The following ANKDD1B variants were observed in gnomAD, a reference collection of about 807,000 sequenced individuals.
ANKDD1B encodes the protein ankyrin repeat and death domain-containing protein 1B.
In ANKDD1B, 57 loss-of-function variants were observed where a neutral mutation model predicts 59.7. That is an observed-to-expected ratio of 0.95 (90% confidence interval 0.77 to 1.19). The LOEUF (loss-of-function observed/expected upper bound fraction) is 1.19, where lower values mean the gene tolerates loss of function less well. Among genes scored for constraint, ANKDD1B ranks in the 50% most tolerant of loss-of-function variants. The probability of loss-of-function intolerance (pLI) is 0.00; values close to 1 mark genes in which losing one functional copy is unlikely to be tolerated. For synonymous variants in ANKDD1B, 216 were observed against 239.5 expected (o/e 0.90, Z 0.91); for missense variants, 602 against 641.9 (o/e 0.94, Z 0.67).
chr5:75,653,120 C>T (rs11948350), intron 7 of ANKDD1B, 22 bp from the exon 8 acceptor site: 52,077 of 1,472,292 alleles, frequency 0.035, 3,059 homozygotes, highest in African/African-American at 0.27. Flanking sequence ...TTCCTCCTTG[C>T]CCTCTCTATT....
chr5:75,637,406 T>C (rs934322371), intron 7 of ANKDD1B, among the ~76,000 whole-genome samples: 2 of 152,054 alleles, frequency 1.3e-5, no homozygotes, highest in African/African-American at 4.8e-5. Context: ...TCTGGCTGTT[T>C]GGAAACTCAG....
chr5:75,622,427 A>G (rs1320770774), intron 3 of ANKDD1B, among the ~76,000 whole-genome samples: 1 of 152,222 alleles, frequency 6.6e-6, no homozygotes, highest in East Asian at 1.9e-4. Flanking sequence ...TCTGGGGAGC[A>G]AGGACAGAGA....
chr5:75,624,863 A>T (rs1773948611), intron 3 of ANKDD1B, among the ~76,000 whole-genome samples: 1 of 152,140 alleles, frequency 6.6e-6, no homozygotes, highest in South Asian at 2.1e-4. Context: ...GGATTATATC[A>T]TATTTATTGT....
At chr5:75,648,910 C>T (rs1579962266) in intron 7 of ANKDD1B, among the ~76,000 whole-genome samples, 2 of 152,272 alleles carry the variant, frequency 1.3e-5, no homozygotes, top group East Asian at 3.9e-4. Context: ...TTTTGTGCTC[C>T]CTCCCACCTC....
intron 5 of ANKDD1B, among the ~76,000 whole-genome samples, chr5:75,632,138 A>G (rs1774182882): frequency 6.6e-6 from 1 of 151,918 alleles, no homozygotes. Context: ...AAAAAGAAAA[A>G]AAGACTCATT....
At chr5:75,633,965 A>G (rs1397259579) in intron 5 of ANKDD1B, among the ~76,000 whole-genome samples, 1 of 152,176 alleles carries the variant, frequency 6.6e-6, no homozygotes, top group African/African-American at 2.4e-5. Context: ...GTCCCTTCAC[A>G]CATGCTTGCA....
At chr5:75,626,146 G>A (rs1443997637) in intron 5 of ANKDD1B, among the ~76,000 whole-genome samples, 191 bp downstream of exon 5, 1 of 152,168 alleles carries the variant, frequency 6.6e-6, no homozygotes, top group Non-Finnish European at 1.5e-5. Context: ...GCCCCTGCTT[G>A]TAGGGAGAAC....
intron 11 of ANKDD1B, 72 bp from the exon 12 acceptor site, chr5:75,666,720 C>A: frequency 8.7e-7 from 1 of 1,155,444 alleles, no homozygotes; most frequent in Non-Finnish European, 1.2e-6. Context: ...GTTTGAAAAA[C>A]ATATATACTC....
At chr5:75,612,658 G>A (rs1203632527) in intron 1 of ANKDD1B, among the ~76,000 whole-genome samples, 1 of 152,122 alleles carries the variant, frequency 6.6e-6, no homozygotes, top group Non-Finnish European at 1.5e-5. Context: ...CCCCTGTTCT[G>A]GTGGAACATT....
chr5:75,617,356 T>A (rs1218215314), intron 2 of ANKDD1B, among the ~76,000 whole-genome samples: 2 of 152,172 alleles, frequency 1.3e-5, no homozygotes, highest in Non-Finnish European at 2.9e-5. Flanking sequence ...GCGTGTGGAT[T>A]TTCATTATAC....
intron 7 of ANKDD1B, among the ~76,000 whole-genome samples, chr5:75,652,309 C>T (rs1418562481): frequency 6.6e-6 from 1 of 152,170 alleles, no homozygotes; most frequent in East Asian, 1.9e-4. Context: ...GTCTGTTGCA[C>T]ACGTGTTCCC....
In ANKDD1B at chr5:75,661,570, T is replaced by A. The variant is rs141269224; in HGVS notation, c.1096-1824T>A. Among the ~76,000 whole-genome samples the A allele has an allele frequency of 5.0e-3, 764 of 152,272 alleles. 7 individuals are homozygous for A. Among genetic ancestry groups the A allele is most frequent in the African/African-American group, 0.016 (672 of 41,552 alleles). On this transcript the variant is annotated intron_variant, in intron 10 of 13. Coordinates refer to ENST00000601380, the MANE Select transcript of ANKDD1B (RefSeq NM_001276713.2). The stretch of plus-strand genomic sequence containing the variant: ...TTGGTTTAACATTTAGCCTTAGTAT[T>A]TTTTAATGCTGTTGTTTTGTATTTT...
intron 10 of ANKDD1B, among the ~76,000 whole-genome samples, chr5:75,661,253 C>G (rs1244499409): frequency 5.3e-5 from 8 of 151,268 alleles, no homozygotes; most frequent in African/African-American, 1.9e-4. Flanking sequence ...ACAAATCAGC[C>G]GGGCATGGTG....
chr5:75,656,655 G>T (rs1224167698), intron 9 of ANKDD1B, among the ~76,000 whole-genome samples: 2 of 152,224 alleles, frequency 1.3e-5, no homozygotes, highest in East Asian at 3.8e-4. Flanking sequence ...AAATGGGAAT[G>T]CCGCAACGGA....
chr5:75,616,775 T>C (rs954418530), intron 1 of ANKDD1B, 29 bp from the exon 2 acceptor site: 16 of 1,130,156 alleles, frequency 1.4e-5, no homozygotes, highest in Admixed American at 2.2e-5. Flanking sequence ...TTAAATTCCC[T>C]CAGTCATGCT....
At chr5:75,655,694 TTAA>T (rs1774956511) in intron 8 of ANKDD1B, among the ~76,000 whole-genome samples, 2 of 152,164 alleles carry the variant, frequency 1.3e-5, no homozygotes, top group Admixed American at 1.3e-4. Flanking sequence ...CTTAAAAAAA[TTAA>T]TATTTGCTTA....
chr5:75,625,559 A>G (rs952433494), intron 3 of ANKDD1B, 88 bp from the exon 4 acceptor site: 6 of 902,558 alleles, frequency 6.6e-6, no homozygotes, highest in Admixed American at 2.4e-5. Context: ...TCAACAATCT[A>G]GTATTAATTT....
intron 13 of ANKDD1B, among the ~76,000 whole-genome samples, chr5:75,670,478 T>C (rs1321186210): frequency 6.6e-6 from 1 of 152,218 alleles, no homozygotes. Flanking sequence ...AAATTGATGA[T>C]TCGGATGATT....
At chr5:75,657,617 T>C (rs1775008659) in intron 9 of ANKDD1B, among the ~76,000 whole-genome samples, 1 of 152,102 alleles carries the variant, frequency 6.6e-6, no homozygotes, top group Non-Finnish European at 1.5e-5. Context: ...CTTTAAGAAA[T>C]GCTTTTTGGG....
Sources: allele counts gnomAD v4.1 joint callset (sites outside exome capture counted in the v4.1 genomes callset), GRCh38; gene constraint gnomAD v4.1.1; transcripts MANE v1.5; gene names NCBI Gene and HGNC (gene_info 2026-07-23, HGNC 2026-07-21).